Variants in TPP1 observed in about 807,000 individuals in gnomAD.
The protein encoded by TPP1 is tripeptidyl-peptidase 1.
In TPP1, 43 loss-of-function variants were observed where a neutral mutation model predicts 67.6. That is an observed-to-expected ratio of 0.64 (90% CI 0.50 to 0.82). TPP1 has a LOEUF of 0.82. Ranked by LOEUF, TPP1 falls within the 40% of genes least tolerant of loss-of-function variation. The pLI is 0.00. For synonymous variants in TPP1, 272 were observed against 281.5 expected (o/e 0.97, Z 0.34); for missense variants, 671 against 710.9 (o/e 0.94, Z 0.64).
chr11:6,615,458 G>A lies in TPP1; in HGVS notation c.1250C>T (p.Pro417Leu). 2.5e-6 allele frequency: 4 copies of A among 1,614,154 alleles called. No homozygotes were observed. In the South Asian group the frequency reaches 3.3e-5, roughly 13 times the overall value. The change falls in exon 10 of 13, where the codon CCA (proline) becomes CTA (leucine). Residue 417 changes from proline (P) to leucine (L), a missense_variant. Coordinates refer to ENST00000299427, the MANE Select transcript of TPP1 (RefSeq NM_000391.4). The stretch of plus-strand genomic sequence containing the variant: ...CACACGTACCTGGTATGAAGGCCGT[G>A]GGAACACATTGCTGAAGCCACCACC... ...ISGGGFSNVFPRPSYQEEAVT... is the reference protein window; with the variant it reads ...ISGGGFSNVFLRPSYQEEAVT...
At position 6,616,593 on chromosome 11, in the gene TPP1, C is replaced by T. The variant is rs1052772751; in HGVS notation, c.886+68G>A. The T allele has an allele frequency of 2.5e-6, 4 of 1,609,984 alleles. No individual in the cohort carries two copies. The African/African-American group carries it at 4.1e-5, about 16-fold the overall frequency. On this transcript the variant is annotated intron_variant, in intron 7 of 12. Transcript: ENST00000299427. ...ATCTCTCTCCAGCTTATAGCATTCC[C>T]TTGAGGGAGCAGGGATCAACACCCA...
At chr11:6,618,406 C>T (rs1043460348) in intron 3 of TPP1, 2 of 466,868 alleles carry the variant, frequency 4.3e-6, no homozygotes, top group African/African-American at 3.9e-5. Context: ...GGCAGTAGTC[C>T]AGGAGTGGGA....
rs770270239 is a variant in TPP1, at chr11:6,618,890, C to T, written c.115G>A (p.Gly39Ser). The change falls in exon 3 of 13, where the codon GGC becomes AGC. Residue 39 changes from glycine (G) to serine (S), a missense_variant. Gly to Ser is a moderately conservative substitution (Grantham distance 56). Coordinates refer to ENST00000299427, the MANE Select transcript of TPP1 (RefSeq NM_000391.4). ...RTLPPGWVSL[G>S]RADPEEELSL... Reference sequence around the variant, plus strand: ...AGCTCTTCCTCAGGGTCCGCACGGCCCAGGGACACCCAGCCTGGGGGCAGC... The same window carrying T: ...AGCTCTTCCTCAGGGTCCGCACGGCTCAGGGACACCCAGCCTGGGGGCAGC... The T allele has an allele frequency of 6.2e-7, 1 of 1,613,682 alleles. No individual in the cohort carries two copies. The highest frequency in any genetic ancestry group is 1.3e-5 in the African/African-American group (1 of 75,020).
intron 3 of TPP1, 125 bp from the exon 4 acceptor site, chr11:6,617,901 T>TAGGGTACTTGGGAA: frequency 7.5e-7 from 1 of 1,340,622 alleles, no homozygotes; most frequent in Non-Finnish European, 1.1e-6. Flanking sequence ...GGGCTATGTG[T>TAGGGTACTTGGGAA]GCAGGTGTAG....
Position 6,613,933 on chromosome 11 carries a change from G to A in TPP1, c.*613C>T, listed in dbSNP as rs1342605597. Reference sequence around the variant, plus strand: ...TGTAGATGTCAGTGATTTGTTCCAGGGGACAATGAGTAAACTGAGAAGAGC... The same window carrying A: ...TGTAGATGTCAGTGATTTGTTCCAGAGGACAATGAGTAAACTGAGAAGAGC... On this transcript the variant is annotated 3_prime_UTR_variant, in exon 13 of 13. Coordinates refer to ENST00000299427, the MANE Select transcript of TPP1 (RefSeq NM_000391.4). The A allele has an allele frequency of 2.6e-4, 41 of 156,490 alleles. No individual in the cohort carries two copies. Among genetic ancestry groups the A allele is most frequent in the Non-Finnish European group, 8.5e-5 (6 of 70,392 alleles). The allele number at this position is 156,490 out of a possible 1,614,324, so 9.7% of individuals were successfully genotyped here. A position where few individuals can be genotyped will look rare whatever the true frequency, so the allele number is the denominator to read the frequency against.
chr11:6,617,316 GGGC>G lies in TPP1; in HGVS notation c.490_492del (p.Ala164del). 1 of 1,614,130 alleles carries G rather than the reference GGGC, an allele frequency of 6.2e-7. No homozygotes were observed. The highest frequency in any genetic ancestry group is 8.5e-7 in the Non-Finnish European group (1 of 1,180,030). On this transcript the variant is annotated inframe_deletion, in exon 5 of 13. Coordinates refer to ENST00000299427, the MANE Select transcript of TPP1 (RefSeq NM_000391.4). Reference sequence around the variant, plus strand: ...TAGGTGTTACCAAAGTCCACATGGGGGGCCAAGGCCTGTGGAAGCTGGTAGGGA... The same window carrying G: ...TAGGTGTTACCAAAGTCCACATGGGGCAAGGCCTGTGGAAGCTGGTAGGGA...
intron 3 of TPP1, chr11:6,618,336 TG>T (rs1398827533): frequency 1.7e-5 from 6 of 350,970 alleles, no homozygotes; most frequent in East Asian, 1.4e-4. Context: ...TGAAGCAGAG[TG>T]GGGGAGTACA....
At chr11:6,616,261 AG>A (rs1478479970) in intron 8 of TPP1, 53 bp downstream of exon 8, 141 of 1,611,366 alleles carry the variant, frequency 8.8e-5, no homozygotes, top group Middle Eastern at 1.9e-4. Flanking sequence ...GTGGAGTCAA[AG>A]CTCCCAGGCT....
rs952588563 is a variant in TPP1, at chr11:6,613,661, A to T, written c.*885T>A. The T allele has an allele frequency of 6.5e-6, 1 of 152,782 alleles. No homozygotes were observed. Among genetic ancestry groups the T allele is most frequent in the South Asian group, 2.1e-4 (1 of 4,832 alleles). The allele number at this position is 152,782 out of a possible 1,614,324, so 9.5% of individuals were successfully genotyped here. A position where few individuals can be genotyped will look rare whatever the true frequency, so the allele number is the denominator to read the frequency against. ...TGGAAGGACTTGTGGACTGATAAAG[A>T]TATATTTAAGATGTGCAGTCAGTAG... On this transcript the variant is annotated 3_prime_UTR_variant, in exon 13 of 13. Coordinates refer to ENST00000299427, the MANE Select transcript of TPP1 (RefSeq NM_000391.4).
Position 6,612,892 on chromosome 11 carries a change from C to G in TPP1, c.*1654G>C, listed in dbSNP as rs1855518393. 1 of 152,658 alleles carries G rather than the reference C, an allele frequency of 6.6e-6. No homozygotes were observed. The allele number at this position is 152,658 out of a possible 1,614,324, so 9.5% of individuals were successfully genotyped here. ...CAACGGTCTTGGAAAGGAAGGCAGA[C>G]AAGTAAACTGGCCATTTCAATACTA... On this transcript the variant is annotated 3_prime_UTR_variant, in exon 13 of 13. Transcript: ENST00000299427.
At position 6,614,231 on chromosome 11, in the gene TPP1, CAG is replaced by C; in HGVS notation, c.*313_*314del. 1 of 426,728 alleles carries C rather than the reference CAG, an allele frequency of 2.3e-6. No homozygotes were observed. The highest frequency in any genetic ancestry group is 4.4e-6 in the Non-Finnish European group (1 of 228,384). The allele number at this position is 426,728 out of a possible 1,614,324, so 26.4% of individuals were successfully genotyped here. A position where few individuals can be genotyped will look rare whatever the true frequency, so the allele number is the denominator to read the frequency against. On this transcript the variant is annotated 3_prime_UTR_variant, in exon 13 of 13. Transcript: ENST00000299427. ...AATGAATATCAAGTGAAATAGTGCA[CAG>C]AGTCTGTATACAACCCTTTGGAAAA...
chr11:6,616,715 G>A lies in TPP1; in HGVS notation c.832C>T (p.Gln278Ter), dbSNP rs1352347549. The A allele has an allele frequency of 6.2e-7, 1 of 1,614,052 alleles. No homozygotes were observed. The highest frequency in any genetic ancestry group is 8.5e-7 in the Non-Finnish European group (1 of 1,179,994). The part of the protein sequence containing the change: ...RAGIEASLDV[Q>*]YLMSAGANIS... ...TTGGCACCAGCACTCATCAGGTACTGCACATCTAGACTGGCCTCAATCCCG... is the reference window on the plus strand; with the variant it reads ...TTGGCACCAGCACTCATCAGGTACTACACATCTAGACTGGCCTCAATCCCG... Residue 278 changes from glutamine to a stop codon, truncating the protein, a stop_gained, in exon 7 of 13, where the codon CAG becomes TAG. Transcript: ENST00000299427. LOFTEE classifies it high-confidence loss of function.
Position 6,619,240 on chromosome 11 carries a change from G to A in TPP1, c.45C>T (p.Leu15=), listed in dbSNP as rs1185720988. The A allele has an allele frequency of 6.2e-7, 1 of 1,614,090 alleles. No individual in the cohort carries two copies. The highest frequency in any genetic ancestry group is 8.5e-7 in the Non-Finnish European group (1 of 1,180,042). Residue 15 remains leucine (L), a synonymous_variant, in exon 2 of 13, where the codon CTC becomes CTT. Transcript: ENST00000299427. ...CCGGGCTGTAACTGCATTTGCCAGA[G>A]AGGATGAGGGCAAAGAGCCCTAGGA... ...ACLLGLFALI[L]SGKCSYSPEP...
At position 6,617,371 on chromosome 11, in the gene TPP1, C is replaced by T. The variant is rs777339172; in HGVS notation, c.438G>A (p.Thr146=). 1.5e-5 allele frequency: 25 copies of T among 1,613,996 alleles called. No individual in the cohort carries two copies. In the Admixed American group the frequency reaches 2.5e-4, roughly 16 times the overall value. Residue 146 remains threonine, a synonymous_variant, in exon 5 of 13, where the codon ACG becomes ACA. Transcript: ENST00000299427. ...GTGGGGACCTTACAACATGGGTTTC[C>T]GTAGGTCCTCCCACATAGTGATGAA... The part of the protein sequence containing the change: ...AEFHHYVGGP[T]ETHVVRSPHP...
chr11:6,618,676 A>C (rs1855621211), intron 3 of TPP1, 100 bp downstream of exon 3: 1 of 1,530,192 alleles, frequency 6.5e-7, no homozygotes, highest in East Asian at 2.3e-5. Context: ...GAGGAACACA[A>C]GTGTCTTGGC....
At chr11:6,617,522 G>T in intron 4 of TPP1, 94 bp from the exon 5 acceptor site, 5 of 1,612,772 alleles carry the variant, frequency 3.1e-6, no homozygotes, top group Non-Finnish European at 4.2e-6. Flanking sequence ...GTCTCCCCAT[G>T]CATTAGCTCC....
chr11:6,617,138 C>T lies in TPP1; in HGVS notation c.524G>A (p.Arg175His), dbSNP rs764922748. Residue 175 changes from arginine (R) to histidine (H), a missense_variant, in exon 6 of 13, where the codon CGT (arginine) becomes CAT (histidine). Physicochemically the swap from Arg to His is conservative, Grantham distance 29 (BLOSUM62 0). Transcript: ENST00000299427. Reference protein sequence around the residue: ...PHVDFVGGLHRFPPTSSLRQR... With the variant: ...PHVDFVGGLHHFPPTSSLRQR... ...CCTCAGGGATGATGTTGGGGGAAAA[C>T]GGTGCAGTCCCCCCACTGTAGGGAG... 1.2e-5 allele frequency: 20 copies of T among 1,614,062 alleles called. No homozygotes were observed. In the East Asian group the frequency reaches 2.0e-4, roughly 16 times the overall value.
chr11:6,616,233 C>T, intron 8 of TPP1, 82 bp downstream of exon 8: 1 of 1,602,822 alleles, frequency 6.2e-7, no homozygotes, highest in Non-Finnish European at 8.5e-7. Flanking sequence ...GAGTCAGAGA[C>T]CAGGCTCAGG....
intron 12 of TPP1, 36 bp from the exon 13 acceptor site, chr11:6,614,722 AG>A (rs1855549253): frequency 6.2e-7 from 1 of 1,613,986 alleles, no homozygotes; most frequent in Non-Finnish European, 8.5e-7. Flanking sequence ...TGGGCCTACT[AG>A]TACCAGTACT....
Sources: allele counts gnomAD v4.1 joint callset, GRCh38; gene constraint gnomAD v4.1.1; transcripts MANE v1.5; gene names NCBI Gene and HGNC (gene_info 2026-07-23, HGNC 2026-07-21).